Variants in ZNF385B observed in about 807,000 individuals in gnomAD.
ZNF385B encodes zinc finger protein 385B.
In ZNF385B, 23 loss-of-function variants were observed where a neutral mutation model predicts 39.2. That is an observed-to-expected ratio of 0.59 (90% CI 0.42 to 0.83). The LOEUF (loss-of-function observed/expected upper bound fraction) is 0.83, where lower values mean the gene tolerates loss of function less well. ZNF385B is among the 40% of genes least tolerant of loss of function. The pLI is 0.00. For synonymous variants in ZNF385B, 205 were observed against 222.6 expected (o/e 0.92, Z 0.70); for missense variants, 552 against 598.9 (o/e 0.92, Z 0.82).
At chr2:179,581,787 CA>C (rs1186696921) in intron 3 of ZNF385B, among the ~76,000 whole-genome samples, 2 of 152,184 alleles carry the variant, frequency 1.3e-5, no homozygotes, top group Non-Finnish European at 2.9e-5. Context: ...TGATAACTTC[CA>C]GGTCATGCCC....
At chr2:179,857,507 T>C (rs1186244414) in intron 1 of ZNF385B, among the ~76,000 whole-genome samples, 1 of 152,054 alleles carries the variant, frequency 6.6e-6, no homozygotes, top group Non-Finnish European at 1.5e-5. Flanking sequence ...TGTAGGGAAG[T>C]GAGAGGGCCC....
intron 3 of ZNF385B, among the ~76,000 whole-genome samples, chr2:179,592,379 G>A (rs571830741): frequency 3.3e-5 from 5 of 152,282 alleles, no homozygotes; most frequent in African/African-American, 1.2e-4. Flanking sequence ...TCAGTTAGCT[G>A]GATGGCTAAA....
At chr2:179,544,134 T>C (rs1294724110) in intron 4 of ZNF385B, among the ~76,000 whole-genome samples, 1 of 152,194 alleles carries the variant, frequency 6.6e-6, no homozygotes, top group Non-Finnish European at 1.5e-5. Flanking sequence ...CTAAATTATA[T>C]TGTTGAAAGA....
At position 179,849,670 on chromosome 2, in the gene ZNF385B, G is replaced by T. The variant is rs536477056; in HGVS notation, c.-155+11431C>A. Among the ~76,000 whole-genome samples the T allele has an allele frequency of 1.4e-4, 22 of 152,312 alleles. 1 individual carries two copies. In the South Asian group the frequency reaches 4.6e-3, roughly 32 times the overall value. On this transcript the variant is annotated intron_variant, in intron 1 of 9. Coordinates refer to ENST00000410066, the MANE Select transcript of ZNF385B (RefSeq NM_152520.6). ...CACCGGTATTTCTTTTGAGGGAGGG[G>T]TGTGATGAGAGGAGCAATCAAATAT...
At chr2:179,646,974 T>C (rs1200107302) in intron 3 of ZNF385B, among the ~76,000 whole-genome samples, 1 of 152,234 alleles carries the variant, frequency 6.6e-6, no homozygotes, top group Non-Finnish European at 1.5e-5. Context: ...CTTTTTGTTA[T>C]CAGTGTCAGA....
intron 3 of ZNF385B, among the ~76,000 whole-genome samples, chr2:179,705,406 G>T (rs988493633): frequency 6.6e-6 from 1 of 152,046 alleles, no homozygotes; most frequent in Non-Finnish European, 1.5e-5. Flanking sequence ...TTTGGTGTTG[G>T]GTTCACCATC....
chr2:179,688,464 C>T (rs994705681), intron 3 of ZNF385B, among the ~76,000 whole-genome samples: 2 of 150,392 alleles, frequency 1.3e-5, no homozygotes, highest in Non-Finnish European at 3.0e-5. Context: ...TGAGACCACC[C>T]CACAACCCCA....
chr2:179,516,911 T>G (rs1392784614), intron 5 of ZNF385B, among the ~76,000 whole-genome samples: 1 of 150,510 alleles, frequency 6.6e-6, no homozygotes, highest in Non-Finnish European at 1.5e-5. Flanking sequence ...TTGAATTAAT[T>G]TTTATGTTTT....
At chr2:179,707,055 G>C (rs1434430993) in intron 3 of ZNF385B, among the ~76,000 whole-genome samples, 1 of 152,166 alleles carries the variant, frequency 6.6e-6, no homozygotes, top group Non-Finnish European at 1.5e-5. Context: ...AGCCCATAAA[G>C]GTTCCTGTCC....
chr2:179,722,836 C>G (rs1022221028), intron 3 of ZNF385B, among the ~76,000 whole-genome samples: 15 of 152,064 alleles, frequency 9.9e-5, no homozygotes, highest in Admixed American at 6.6e-4. Context: ...AGAATTAGCT[C>G]TACTATATGA....
At chr2:179,510,607 C>A (rs78886961) in intron 5 of ZNF385B, among the ~76,000 whole-genome samples, 2,575 of 151,700 alleles carry the variant, frequency 0.017, 68 homozygotes, top group African/African-American at 0.059. Context: ...ATTTTTTAAC[C>A]CTCTAAAGGC....
chr2:179,479,542 G>A (rs1283616606), intron 6 of ZNF385B, among the ~76,000 whole-genome samples: 2 of 152,116 alleles, frequency 1.3e-5, no homozygotes, highest in Non-Finnish European at 2.9e-5. Flanking sequence ...CTCTCGAGGA[G>A]CAGAAAGAGT....
At chr2:179,708,637 C>T (rs142921695) in intron 3 of ZNF385B, among the ~76,000 whole-genome samples, 7 of 152,278 alleles carry the variant, frequency 4.6e-5, no homozygotes, top group Admixed American at 4.6e-4. Flanking sequence ...GATAACTTAT[C>T]AAGTCTGACT....
rs80203976 is a variant in ZNF385B, at chr2:179,764,236, T to G, written c.298+5267A>C. 2.2e-3 allele frequency among the ~76,000 whole-genome samples: 333 copies of G among 152,314 alleles called. 4 individuals carry two copies. Among genetic ancestry groups the G allele is most frequent in the African/African-American group, 7.7e-3 (320 of 41,580 alleles). On this transcript the variant is annotated intron_variant, in intron 3 of 9. Transcript: ENST00000410066. ...CTCTGTCCCTAGTAAATTTCTTTAC[T>G]CCCTACTTCATCAGATATTAATATA... is the stretch of plus-strand genomic sequence containing the variant.
At chr2:179,687,807 A>C (rs1280153841) in intron 3 of ZNF385B, among the ~76,000 whole-genome samples, 1 of 152,210 alleles carries the variant, frequency 6.6e-6, no homozygotes, top group Non-Finnish European at 1.5e-5. Context: ...CATGGGGTTT[A>C]TGTGAAAATT....
intron 3 of ZNF385B, among the ~76,000 whole-genome samples, chr2:179,569,694 A>T (rs1000351364): frequency 3.3e-5 from 5 of 152,220 alleles, no homozygotes; most frequent in Admixed American, 2.0e-4. Flanking sequence ...TTAAGTGTGC[A>T]AAGCACAGTG....
intron 3 of ZNF385B, among the ~76,000 whole-genome samples, chr2:179,703,635 A>G (rs569733812): frequency 6.6e-6 from 1 of 152,272 alleles, no homozygotes; most frequent in Non-Finnish European, 1.5e-5. Flanking sequence ...AGAAAACATA[A>G]TCTATAATAA....
chr2:179,747,200 G>A (rs937146029), intron 3 of ZNF385B, among the ~76,000 whole-genome samples: 2 of 152,046 alleles, frequency 1.3e-5, no homozygotes, highest in Non-Finnish European at 2.9e-5. Flanking sequence ...ACACATTTAC[G>A]TAACACAGCA....
chr2:179,473,961 T>C (rs1401060499), intron 6 of ZNF385B, among the ~76,000 whole-genome samples: 1 of 152,182 alleles, frequency 6.6e-6, no homozygotes, highest in Non-Finnish European at 1.5e-5. Context: ...GTCAAGGTTA[T>C]ATGAGTTCAG....
Sources: gnomAD v4.1 joint callset for allele counts (sites outside exome capture counted in the v4.1 genomes callset) on GRCh38, gnomAD v4.1.1 for gene constraint, MANE v1.5 for transcripts, NCBI Gene and HGNC (gene_info 2026-07-23, HGNC 2026-07-21) for gene names.